Variants in PDE4D observed in about 807,000 individuals in gnomAD.
PDE4D encodes phosphodiesterase 4D.
PDE4D carries 24 observed loss-of-function variants against 87.4 expected under a neutral mutation model. The observed-to-expected ratio is 0.27, with a 90% CI of 0.20 to 0.39. PDE4D has a LOEUF of 0.39. PDE4D is among the 10% of genes least tolerant of loss of function. PDE4D has a pLI of 1.00. For synonymous variants in PDE4D, 384 were observed against 383.2 expected (o/e 1.00, Z -0.02); for missense variants, 714 against 1,041.0 (o/e 0.69, Z 4.32).
At chr5:59,378,874 C>A (rs1429819375) in intron 1 of PDE4D, among the ~76,000 whole-genome samples, 2 of 152,124 alleles carry the variant, frequency 1.3e-5, no homozygotes, top group Admixed American at 1.3e-4. Flanking sequence ...GTCTCTCCAG[C>A]TCCTCTCCAC....
intron 1 of PDE4D, among the ~76,000 whole-genome samples, chr5:59,678,057 T>A (rs1324989809): frequency 6.6e-6 from 1 of 152,158 alleles, no homozygotes; most frequent in Non-Finnish European, 1.5e-5. Context: ...CTGAGGTGCC[T>A]GCACAAATCA....
At chr5:59,822,096 T>A (rs182477279) in intron 1 of PDE4D, among the ~76,000 whole-genome samples, 2 of 152,236 alleles carry the variant, frequency 1.3e-5, no homozygotes, top group Non-Finnish European at 2.9e-5. Flanking sequence ...AATGACAGGC[T>A]ACTGTTTATT....
intron 2 of PDE4D, among the ~76,000 whole-genome samples, chr5:59,201,664 A>G (rs907062584): frequency 2.0e-5 from 3 of 152,204 alleles, no homozygotes; most frequent in Admixed American, 2.0e-4. Context: ...GCTCCATTTA[A>G]GTCAAAATAA....
rs1751323300 is a variant in PDE4D at position 59,893,699 on chromosome 5, C to T, written c.-77G>A. 2.2e-6 allele frequency: 3 copies of T among 1,385,382 alleles called. No individual in the cohort carries two copies. Among genetic ancestry groups the T allele is most frequent in the African/African-American group, 3.1e-5 (2 of 65,108 alleles). 85.8% of individuals were successfully genotyped at this position (1,385,382 alleles called of 1,614,324 possible). ...CCCGAGCGCCTTCCTGATGCTGCTG[C>T]TGCTGCTGCCGCCGCCGCCGCTTCT... On this transcript the variant is annotated 5_prime_UTR_variant, in exon 1 of 15. Transcript: ENST00000340635.
intron 1 of PDE4D, among the ~76,000 whole-genome samples, chr5:60,466,858 T>A (rs1747392681): frequency 6.6e-6 from 1 of 152,076 alleles, no homozygotes; most frequent in African/African-American, 2.4e-5. Flanking sequence ...TCTTCCAGTC[T>A]TCTTAAACTG....
At chr5:60,266,578 G>T (rs1750237385) in intron 1 of PDE4D, among the ~76,000 whole-genome samples, 2 of 152,170 alleles carry the variant, frequency 1.3e-5, no homozygotes, top group African/African-American at 4.8e-5. Flanking sequence ...AATCTGCAAA[G>T]GGCAGGAGAC....
intron 1 of PDE4D, among the ~76,000 whole-genome samples, chr5:59,600,345 G>T (rs1393265273): frequency 6.6e-6 from 1 of 152,166 alleles, no homozygotes; most frequent in Non-Finnish European, 1.5e-5. Flanking sequence ...TTCTGCCTTT[G>T]GTCCTGGTGT....
chr5:59,039,294 G>A (rs1759175042), intron 5 of PDE4D: 7 of 1,073,254 alleles, frequency 6.5e-6, no homozygotes, highest in Non-Finnish European at 7.9e-6. Context: ...TCAACTGTGC[G>A]GCGGGCCCGA....
Position 59,727,680 on chromosome 5 carries a change from C to T in PDE4D, c.455+165488G>A, listed in dbSNP as rs1202659132. The stretch of plus-strand genomic sequence containing the variant: ...TTTAAAGTCCTGACTCTAATGTCTA[C>T]TGGTAAGGTGCTGGTGGGCAGGTTT... On this transcript the variant is annotated intron_variant, in intron 1 of 14. Coordinates refer to ENST00000340635, the MANE Select transcript of PDE4D (RefSeq NM_001104631.2). Among the ~76,000 whole-genome samples the T allele has an allele frequency of 1.3e-5, 2 of 152,070 alleles. 1 individual carries two copies. Among genetic ancestry groups the T allele is most frequent in the East Asian group, 3.9e-4 (2 of 5,182 alleles).
intron 1 of PDE4D, among the ~76,000 whole-genome samples, chr5:59,534,504 G>A (rs767336578): frequency 1.3e-5 from 2 of 152,186 alleles, no homozygotes; most frequent in African/African-American, 4.8e-5. Flanking sequence ...GAGATGACAA[G>A]GTCTGTTTCA....
chr5:60,408,865 C>A (rs904970893), intron 1 of PDE4D, among the ~76,000 whole-genome samples: 3 of 152,300 alleles, frequency 2.0e-5, no homozygotes, highest in Admixed American at 1.3e-4. Flanking sequence ...ATGCAAGGTA[C>A]TTTTGCTCCA....
At chr5:59,583,699 C>T (rs557424383) in intron 1 of PDE4D, among the ~76,000 whole-genome samples, 1 of 152,242 alleles carries the variant, frequency 6.6e-6, no homozygotes, top group South Asian at 2.1e-4. Context: ...TACTATTGCT[C>T]AATAATCAAC....
chr5:59,830,810 G>T (rs1741074218), intron 1 of PDE4D, among the ~76,000 whole-genome samples: 1 of 151,974 alleles, frequency 6.6e-6, no homozygotes, highest in Non-Finnish European at 1.5e-5. Flanking sequence ...ATTTTAATTG[G>T]GTTCAAGTTT....
chr5:59,441,012 T>C (rs1432013076), intron 1 of PDE4D, among the ~76,000 whole-genome samples: 1 of 152,256 alleles, frequency 6.6e-6, no homozygotes, highest in Non-Finnish European at 1.5e-5. Flanking sequence ...GATTTAAATA[T>C]TGAAAAGTTC....
chr5:59,108,719 C>A (rs1772044005), intron 5 of PDE4D, among the ~76,000 whole-genome samples: 1 of 151,918 alleles, frequency 6.6e-6, no homozygotes, highest in South Asian at 2.1e-4. Context: ...CATGGCAAAA[C>A]CCCATCTCTA....
chr5:60,053,828 CA>C lies in PDE4D; in HGVS notation c.43-65112del, dbSNP rs547173608. Among the ~76,000 whole-genome samples the C allele has an allele frequency of 2.0e-3, 310 of 152,170 alleles. 2 individuals carry two copies. Among genetic ancestry groups the C allele is most frequent in the African/African-American group, 7.3e-3 (304 of 41,536 alleles). Reference sequence around the variant, plus strand: ...ATCTAGAATCTACAAGGAACTTACACAAATTTATAAGAAAAAAACAAAGAAA... The same window carrying C: ...ATCTAGAATCTACAAGGAACTTACACAATTTATAAGAAAAAAACAAAGAAA... On this transcript the variant is annotated intron_variant, in intron 2 of 16. Transcript: ENST00000502484.
intron 1 of PDE4D, among the ~76,000 whole-genome samples, chr5:59,580,190 A>T (rs1005288173): frequency 6.6e-6 from 1 of 152,192 alleles, no homozygotes; most frequent in African/African-American, 2.4e-5. Flanking sequence ...TTGGGCTCTA[A>T]AATCAGGCCA....
At chr5:60,069,529 T>C (rs1324382625) in intron 2 of PDE4D, among the ~76,000 whole-genome samples, 1 of 152,210 alleles carries the variant, frequency 6.6e-6, no homozygotes, top group Non-Finnish European at 1.5e-5. Context: ...GATTCTCTTA[T>C]GTTCCATTGG....
At chr5:59,638,512 A>C (rs1056459156) in intron 1 of PDE4D, among the ~76,000 whole-genome samples, 1 of 152,190 alleles carries the variant, frequency 6.6e-6, no homozygotes, top group African/African-American at 2.4e-5. Flanking sequence ...GACAGTAAAG[A>C]GCCAACACAC....
Sources: allele counts gnomAD v4.1 joint callset (sites outside exome capture counted in the v4.1 genomes callset), GRCh38; gene constraint gnomAD v4.1.1; transcripts MANE v1.5; gene names NCBI Gene and HGNC (gene_info 2026-07-23, HGNC 2026-07-21).